PCDH19: variants seen among roughly 807,000 people sequenced by gnomAD.
The protein encoded by PCDH19 is protocadherin-19.
PCDH19 carries 6 observed loss-of-function variants against 46.2 expected under a neutral mutation model. The observed-to-expected ratio is 0.13, with a 90% CI of 0.07 to 0.26. PCDH19 has a LOEUF of 0.26. PCDH19 is among the 10% of genes least tolerant of loss of function. The pLI is 1.00. For synonymous variants in PCDH19, 481 were observed against 415.7 expected, an observed-to-expected ratio of 1.16 and a Z score of -1.91; for missense variants, 740 against 972.3, an observed-to-expected ratio of 0.76 and a Z score of 3.18.
chrX:100,341,340 T>C (rs1180659465), intron 5 of PCDH19, among the ~76,000 whole-genome samples: 2 of 111,678 alleles, frequency 1.8e-5, no homozygotes, highest in African/African-American at 6.5e-5. Flanking sequence ...ACTAATGGCA[T>C]GGTTTTGTGT....
At chrX:100,384,664 CT>C (rs1198177613) in intron 3 of PCDH19, among the ~76,000 whole-genome samples, 9 of 111,400 alleles carry the variant, frequency 8.1e-5, no homozygotes, top group African/African-American at 2.9e-4. Context: ...AAACTTTCCA[CT>C]GACAGACATA....
At position 100,408,721 on chromosome X, in the gene PCDH19, G is replaced by C; in HGVS notation, c.-124C>G. On this transcript the variant is annotated 5_prime_UTR_variant, in exon 1 of 6. Transcript: ENST00000373034. ...CGCGCCCCGTGGCCCCGGAGGCCGC[G>C]GGAGAAGTCCCGCCCAGGGCGGCCC... 1 of 572,180 alleles carries C rather than the reference G, an allele frequency of 1.7e-6. No homozygotes were observed. Among genetic ancestry groups the C allele is most frequent in the Non-Finnish European group, 2.6e-6 (1 of 379,556 alleles). 47.2% of individuals were successfully genotyped at this position (572,180 alleles called of 1,213,427 possible). A position where few individuals can be genotyped will look rare whatever the true frequency, so the allele number is the denominator to read the frequency against.
Position 100,408,717 on chromosome X carries a change from C to A in PCDH19, c.-120G>T. Reference sequence around the variant, plus strand: ...TGCGCGCGCCCCGTGGCCCCGGAGGCCGCGGGAGAAGTCCCGCCCAGGGCG... The same window carrying A: ...TGCGCGCGCCCCGTGGCCCCGGAGGACGCGGGAGAAGTCCCGCCCAGGGCG... On this transcript the variant is annotated 5_prime_UTR_variant, in exon 1 of 6. Coordinates refer to ENST00000373034, the MANE Select transcript of PCDH19 (RefSeq NM_001184880.2). The A allele has an allele frequency of 1.7e-6, 1 of 602,386 alleles. No individual in the cohort carries two copies. The highest frequency in any genetic ancestry group is 2.5e-6 in the Non-Finnish European group (1 of 404,546). 49.6% of individuals were successfully genotyped at this position (602,386 alleles called of 1,213,427 possible). A position where few individuals can be genotyped will look rare whatever the true frequency, so the allele number is the denominator to read the frequency against.
In PCDH19 at chrX:100,408,535, G is replaced by A; in HGVS notation, c.63C>T (p.Ala21=). The change falls in exon 1 of 6, where the codon GCC becomes GCT. Residue 21 remains alanine (A), a synonymous_variant. Coordinates refer to ENST00000373034, the MANE Select transcript of PCDH19 (RefSeq NM_001184880.2). The part of the protein sequence containing the change: ...LLAILWTQAA[A]LINLKYSVEE... ...CTACCGAGTACTTGAGATTAATGAGGGCGGCAGCCTGCGTCCACAGTATGG... is the reference window on the plus strand; with the variant it reads ...CTACCGAGTACTTGAGATTAATGAGAGCGGCAGCCTGCGTCCACAGTATGG... 2 of 1,198,302 alleles carry A rather than the reference G, an allele frequency of 1.7e-6. No individual in the cohort carries two copies. The highest frequency in any genetic ancestry group is 2.2e-6 in the Non-Finnish European group (2 of 892,248).
At chrX:100,371,152 G>A (rs772271455) in intron 3 of PCDH19, among the ~76,000 whole-genome samples, 14 of 111,365 alleles carry the variant, frequency 1.3e-4, no homozygotes, top group African/African-American at 3.9e-4. Context: ...CCTAGACACA[G>A]GTTAAACCAA....
intron 3 of PCDH19, among the ~76,000 whole-genome samples, chrX:100,375,032 T>C (rs1350657084): frequency 1.8e-5 from 2 of 112,631 alleles, no homozygotes; most frequent in African/African-American, 6.4e-5. Context: ...ACATTACACA[T>C]AGCAGGAGCT....
rs1230999382 is a variant in PCDH19, at chrX:100,294,530, A to C, written c.*1747T>G. The C allele has an allele frequency of 9.1e-6, 1 of 109,679 alleles. No homozygotes were observed. The highest frequency in any genetic ancestry group is 1.9e-5 in the Non-Finnish European group (1 of 52,514). The allele number at this position is 109,679 out of a possible 1,213,427, so 9.0% of individuals were successfully genotyped here. A position where few individuals can be genotyped will look rare whatever the true frequency, so the allele number is the denominator to read the frequency against. On this transcript the variant is annotated 3_prime_UTR_variant, in exon 6 of 6. Coordinates refer to ENST00000373034, the MANE Select transcript of PCDH19 (RefSeq NM_001184880.2). Reference sequence around the variant, plus strand: ...AGGAACTCAGGCAAAAATAAGTAAAACATTCAAAAGAGCTGACTTATCTAC... The same window carrying C: ...AGGAACTCAGGCAAAAATAAGTAAACCATTCAAAAGAGCTGACTTATCTAC...
At chrX:100,363,605 A>G (rs1457827768) in intron 3 of PCDH19, among the ~76,000 whole-genome samples, 1 of 79,513 alleles carries the variant, frequency 1.3e-5, no homozygotes, top group Non-Finnish European at 2.3e-5. Context: ...TGTTTTTGGC[A>G]TGGGAAGTTT....
rs2147443106 is a variant in PCDH19 at position 100,294,109 on chromosome X, T to G, written c.*2168A>C. ...AATTCTATAGGCAGCCATCATAACTTAAAGGGGAAATTTTTAAAAAATTTT... is the reference window on the plus strand; with the variant it reads ...AATTCTATAGGCAGCCATCATAACTGAAAGGGGAAATTTTTAAAAAATTTT... On this transcript the variant is annotated 3_prime_UTR_variant, in exon 6 of 6. Transcript: ENST00000373034. The G allele has an allele frequency of 8.9e-6, 1 of 111,916 alleles. No homozygotes were observed. Among genetic ancestry groups the G allele is most frequent in the African/African-American group, 3.3e-5 (1 of 30,761 alleles). 9.2% of individuals were successfully genotyped at this position (111,916 alleles called of 1,213,427 possible).
At chrX:100,401,666 AT>A (rs1403339930) in intron 3 of PCDH19, among the ~76,000 whole-genome samples, 1 of 111,367 alleles carries the variant, frequency 9.0e-6, no homozygotes, top group Non-Finnish European at 1.9e-5. Context: ...AAAAAAAAAA[AT>A]TCTACTTAAA....
intron 5 of PCDH19, among the ~76,000 whole-genome samples, chrX:100,334,164 A>C (rs1423550456): frequency 1.8e-5 from 2 of 111,373 alleles, no homozygotes; most frequent in African/African-American, 6.5e-5. Context: ...TTCCAAGTAG[A>C]TTGGGAAAAC....
At chrX:100,361,367 AAAG>A (rs922275324) in intron 3 of PCDH19, among the ~76,000 whole-genome samples, 2 of 111,910 alleles carry the variant, frequency 1.8e-5, no homozygotes, top group African/African-American at 3.2e-5. Context: ...AAAACCACAT[AAAG>A]AAGAAGAATG....
chrX:100,326,524 A>T (rs1291010881), intron 5 of PCDH19, among the ~76,000 whole-genome samples: 1 of 111,790 alleles, frequency 8.9e-6, no homozygotes, highest in Non-Finnish European at 1.9e-5. Context: ...AGAACCGTGA[A>T]GCAAGAGAGG....
At chrX:100,305,111 G>C (rs1391238504) in intron 5 of PCDH19, among the ~76,000 whole-genome samples, 1 of 111,513 alleles carries the variant, frequency 9.0e-6, no homozygotes, top group African/African-American at 3.3e-5. Flanking sequence ...CATCACCTAG[G>C]CACATAGTCA....
rs1373387122 is a variant in PCDH19 at position 100,294,954 on chromosome X, CAAA to C, written c.*1320_*1322del. ...GTATTTTCTTGTTCACATTTTTAAT[CAAA>C]AAACTATTAGTCATAAAAAGATGAG... On this transcript the variant is annotated 3_prime_UTR_variant, in exon 6 of 6. Transcript: ENST00000373034. 8.9e-6 allele frequency: 1 copy of C among 112,362 alleles called. No individual in the cohort carries two copies. Among genetic ancestry groups the C allele is most frequent in the Admixed American group, 9.4e-5 (1 of 10,600 alleles). The allele number at this position is 112,362 out of a possible 1,213,427, so 9.3% of individuals were successfully genotyped here. A position where few individuals can be genotyped will look rare whatever the true frequency, so the allele number is the denominator to read the frequency against.
At chrX:100,376,250 A>AAAAAG (rs1285923420) in intron 3 of PCDH19, among the ~76,000 whole-genome samples, 2 of 91,002 alleles carry the variant, frequency 2.2e-5, no homozygotes, top group Non-Finnish European at 4.5e-5. Flanking sequence ...AAAAAAAAAA[A>AAAAAG]AAAAGAAAAG....
chrX:100,370,183 G>A (rs1340636206), intron 3 of PCDH19, among the ~76,000 whole-genome samples: 2 of 112,387 alleles, frequency 1.8e-5, no homozygotes, highest in East Asian at 5.6e-4. Flanking sequence ...CACAGATGTA[G>A]AGGGAAATTT....
At chrX:100,348,771 T>A (rs962038325) in intron 4 of PCDH19, among the ~76,000 whole-genome samples, 1 of 111,434 alleles carries the variant, frequency 9.0e-6, no homozygotes, top group African/African-American at 3.3e-5. Context: ...TCCCCAAAGA[T>A]AAATGTTCAA....
intron 3 of PCDH19, among the ~76,000 whole-genome samples, chrX:100,360,325 C>A (rs1288880089): frequency 8.9e-6 from 1 of 112,474 alleles, no homozygotes; most frequent in African/African-American, 3.2e-5. Flanking sequence ...TGACAAAAAA[C>A]AATCAAGTGA....
Sources: gnomAD v4.1 joint callset for allele counts (sites outside exome capture counted in the v4.1 genomes callset) on GRCh38, gnomAD v4.1.1 for gene constraint, MANE v1.5 for transcripts, NCBI Gene and HGNC (gene_info 2026-07-23, HGNC 2026-07-21) for gene names.